Variants in TMEM150B observed in about 807,000 individuals in gnomAD.
TMEM150B encodes the protein transmembrane protein 150B.
A neutral mutation model predicts 25.2 loss-of-function variants in TMEM150B; 33 were observed. That is an observed-to-expected ratio of 1.31 (90% CI 0.99 to 1.75). The LOEUF is 1.75. Among genes scored for constraint, TMEM150B ranks in the 40% most tolerant of loss-of-function variants. TMEM150B has a pLI of 0.00. For synonymous variants in TMEM150B, 133 were observed against 134.8 expected (o/e 0.99, Z 0.09); for missense variants, 322 against 306.1 (o/e 1.05, Z -0.39).
At chr19:55,316,396 A>G (rs1451411304) in intron 7 of TMEM150B, among the ~76,000 whole-genome samples, 4 of 151,784 alleles carry the variant, frequency 2.6e-5, no homozygotes, top group Admixed American at 2.0e-4. Context: ...CCCTCAAGGG[A>G]CTGTTCTTAG....
In TMEM150B at chr19:55,315,212, AGGCTGAG is replaced by A. The variant is rs1008172084; in HGVS notation, c.505+1567_505+1573del. Among the ~76,000 whole-genome samples, 12 of 152,118 alleles carry A rather than the reference AGGCTGAG, an allele frequency of 7.9e-5. 1 individual carries two copies. On this transcript the variant is annotated intron_variant, in intron 7 of 7. Transcript: ENST00000326652. ...ATGCCTGTAGTCCCAGCTACTTGGG[AGGCTGAG>A]GCACAAGAATTGCTTGAAACTGGGA...
chr19:55,320,687 A>C (rs2089178773), intron 3 of TMEM150B, 70 bp from the exon 4 acceptor site: 8 of 1,583,140 alleles, frequency 5.1e-6, no homozygotes, highest in Non-Finnish European at 6.9e-6. Flanking sequence ...CAAACAAACA[A>C]GGACTTCTAG....
At chr19:55,322,844 T>TGTGAGGTTC in intron 1 of TMEM150B, 101 bp from the exon 2 acceptor site, 1 of 465,310 alleles carries the variant, frequency 2.1e-6, no homozygotes, top group Non-Finnish European at 2.8e-6. Context: ...TCCTGTCTCC[T>TGTGAGGTTC]TAGAACCTCA....
intron 2 of TMEM150B, among the ~76,000 whole-genome samples, 174 bp downstream of exon 2, chr19:55,322,474 G>A (rs1001017860): frequency 5.3e-5 from 8 of 151,974 alleles, no homozygotes; most frequent in African/African-American, 1.9e-4. Flanking sequence ...TCAGGCAGAC[G>A]TCACGGGTGG....
downstream of TMEM150B, among the ~76,000 whole-genome samples, chr19:55,309,843 C>T (rs145833562): frequency 2.0e-4 from 30 of 152,298 alleles, no homozygotes; most frequent in African/African-American, 7.0e-4. Context: ...TCCTGAGACA[C>T]GGGGTCACAG....
chr19:55,316,810 C>A lies in TMEM150B; in HGVS notation c.481G>T (p.Val161Phe), dbSNP rs375594006. Residue 161 changes from valine to phenylalanine, a missense_variant, in exon 7 of 8, where the codon GTC becomes TTC. Val to Phe is a conservative substitution (Grantham distance 50). Coordinates refer to ENST00000326652, the MANE Select transcript of TMEM150B (RefSeq NM_001282011.2). The stretch of plus-strand genomic sequence containing the variant: ...CTGGCCACAATGAGGATGGTGCAGA[C>A]GCTGCAGAGGCCCAGGCGGAGGGGC... ...IGPLRLGLCS[V>F]CTILIVAMIV... is the part of the protein sequence containing the mutation. 3 of 1,562,454 alleles carry A rather than the reference C, an allele frequency of 1.9e-6. No homozygotes were observed. Among genetic ancestry groups the A allele is most frequent in the Middle Eastern group, 1.7e-4 (1 of 5,852 alleles).
intron 6 of TMEM150B, chr19:55,319,745 T>A (rs2089139030): frequency 8.2e-7 from 1 of 1,215,774 alleles, no homozygotes; most frequent in African/African-American, 1.6e-5. Flanking sequence ...CCACTGCGCC[T>A]GGACCAGTAA....
chr19:55,325,249 G>A (rs907329525), intron 1 of TMEM150B, 23 bp downstream of exon 1: 1 of 984,764 alleles, frequency 1.0e-6, no homozygotes, highest in Non-Finnish European at 1.2e-6. Context: ...CTACTTTCAA[G>A]TTGGGAATTA....
At chr19:55,310,243 G>T (rs1463934987), downstream of TMEM150B, among the ~76,000 whole-genome samples, 1 of 152,218 alleles carries the variant, frequency 6.6e-6, no homozygotes, top group Non-Finnish European at 1.5e-5. This position sits in a 1 kb window ranked among gnomAD's most constrained non-coding sequence, Gnocchi z 5.0. Flanking sequence ...GTGCCTGGAG[G>T]GCTGCACCTG....
At chr19:55,315,086 C>A (rs537125150) in intron 7 of TMEM150B, among the ~76,000 whole-genome samples, 2 of 151,376 alleles carry the variant, frequency 1.3e-5, no homozygotes, top group Non-Finnish European at 3.0e-5. Flanking sequence ...GAGGCCGAGG[C>A]GGGCAGATCA....
rs755144852 is a variant in TMEM150B at position 55,312,901 on chromosome 19, GC to G, written c.659del (p.Ser220ThrfsTer?). On this transcript the variant is annotated frameshift_variant, in exon 8 of 8. Transcript: ENST00000326652. LOFTEE classifies it low-confidence loss of function (END_TRUNC). ...GGGAGATGGGGGAGGCCGGCGGGGG[GC>G]TGAGGCTGGGCCACGGCTGAACACA... ...TLCVQPWPSL[S>X]PPPASPISLP... 1 of 1,605,134 alleles carries G rather than the reference GC, an allele frequency of 6.2e-7. No individual in the cohort carries two copies. Among genetic ancestry groups the G allele is most frequent in the Non-Finnish European group, 8.5e-7 (1 of 1,176,644 alleles).
chr19:55,312,813 C>T lies in TMEM150B; in HGVS notation c.*46G>A, dbSNP rs1166058363. On this transcript the variant is annotated 3_prime_UTR_variant, in exon 8 of 8. Transcript: ENST00000326652. ...TGCGGGGCACTGGGATTGGCCCCATCTTTCCTGCTTCACTGGTGAGGGCAA... is the reference window on the plus strand; with the variant it reads ...TGCGGGGCACTGGGATTGGCCCCATTTTTCCTGCTTCACTGGTGAGGGCAA... The T allele has an allele frequency of 2.0e-6, 3 of 1,524,140 alleles. No individual in the cohort carries two copies. The highest frequency in any genetic ancestry group is 2.0e-5 in the Admixed American group (1 of 49,464). The allele number at this position is 1,524,140 out of a possible 1,614,324, so 94.4% of individuals were successfully genotyped here.
At chr19:55,311,843 A>C, downstream of TMEM150B, 1 of 1,541,724 alleles carries the variant, frequency 6.5e-7, no homozygotes, top group Non-Finnish European at 8.8e-7. Flanking sequence ...CTCTGCCCCC[A>C]TCCCCTGGTA....
chr19:55,321,149 C>T (rs1240766235), intron 2 of TMEM150B, 56 bp from the exon 3 acceptor site: 2 of 1,472,538 alleles, frequency 1.4e-6, no homozygotes, highest in Non-Finnish European at 1.8e-6. Flanking sequence ...GCCCCAACCA[C>T]TAGGCCCCGC....
At chr19:55,322,055 T>C (rs956686601) in intron 2 of TMEM150B, among the ~76,000 whole-genome samples, 1 of 152,172 alleles carries the variant, frequency 6.6e-6, no homozygotes, top group African/African-American at 2.4e-5. Flanking sequence ...CTGACCCTTT[T>C]CCTTCTCTCT....
rs1249063566 is a variant in TMEM150B at position 55,313,014 on chromosome 19, C to T, written c.547G>A (p.Ala183Thr). The T allele has an allele frequency of 3.7e-6, 6 of 1,613,352 alleles. No individual in the cohort carries two copies. Among genetic ancestry groups the T allele is most frequent in the Non-Finnish European group, 4.2e-6 (5 of 1,179,798 alleles). The change falls in exon 8 of 8, where the codon GCC becomes ACC. Residue 183 changes from alanine (A) to threonine (T), a missense_variant. Transcript: ENST00000326652. ...AGCATGGCCACGACCCACTCGCAGG[C>T]CGCAGAGACGCTACGCAGCGAGCAG... ...HACSLRSVSA[A>T]CEWVVAMLLF... is the part of the protein sequence containing the mutation.
intron 7 of TMEM150B, among the ~76,000 whole-genome samples, chr19:55,314,520 A>T (rs1308011918): frequency 1.3e-5 from 2 of 152,086 alleles, no homozygotes; most frequent in Non-Finnish European, 2.9e-5. Context: ...CAGGCTCAGA[A>T]TCCGGCCAGG....
At chr19:55,310,398 G>T (rs1276274103), downstream of TMEM150B, among the ~76,000 whole-genome samples, 1 of 152,110 alleles carries the variant, frequency 6.6e-6, no homozygotes, top group African/African-American at 2.4e-5. This position sits in a 1 kb window ranked among gnomAD's most constrained non-coding sequence, Gnocchi z 5.0. Context: ...AGTGGGACCT[G>T]CACAGATACT....
chr19:55,321,216 T>C lies in TMEM150B; in HGVS notation c.-57-123A>G, dbSNP rs1473945706. The C allele has an allele frequency of 3.0e-6, 4 of 1,331,802 alleles. No homozygotes were observed. In the South Asian group the frequency reaches 4.7e-5, roughly 16 times the overall value. The allele number at this position is 1,331,802 out of a possible 1,614,324, so 82.5% of individuals were successfully genotyped here. ...TCTGATCTGATTGGCCAGCTCTCCA[T>C]TTCCAGGCAATTTCCCCACCTATCC... On this transcript the variant is annotated intron_variant, in intron 2 of 7. Coordinates refer to ENST00000326652, the MANE Select transcript of TMEM150B (RefSeq NM_001282011.2).
Sources: allele counts gnomAD v4.1 joint callset (sites outside exome capture counted in the v4.1 genomes callset), GRCh38; gene constraint gnomAD v4.1.1; non-coding constraint Gnocchi (gnomAD v3.1); transcripts MANE v1.5; gene names NCBI Gene and HGNC (gene_info 2026-07-23, HGNC 2026-07-21).